Variants in PSD2 observed in about 807,000 individuals in gnomAD.
PSD2 encodes PH and SEC7 domain-containing protein 2.
PSD2 carries 38 observed loss-of-function variants against 69.8 expected under a neutral mutation model. The ratio of observed to expected loss-of-function variants is 0.54; its 90% CI spans 0.42 to 0.71. PSD2 has a LOEUF of 0.71. PSD2 is among the 30% of genes least tolerant of loss of function. The pLI is 0.00. For missense variants in PSD2, 943 were observed against 1,014.5 expected (o/e 0.93, Z 0.96); for synonymous variants, 412 against 423.0 (o/e 0.97, Z 0.32).
chr5:139,795,410 C>T (rs374351633), upstream of PSD2, among the ~76,000 whole-genome samples: 82 of 152,190 alleles, frequency 5.4e-4, 1 homozygote, highest in East Asian at 0.013. This position sits in a 1 kb window ranked among gnomAD's most constrained non-coding sequence, Gnocchi z 4.5. Context: ...CAGGACCCGC[C>T]CCCTCCTTCA....
chr5:139,785,233 CCTTT>C, the PSD2 span, among the ~76,000 whole-genome samples: 1 of 141,238 alleles, frequency 7.1e-6, no homozygotes, highest in East Asian at 2.1e-4. Flanking sequence ...TCCCTTCCTT[CCTTT>C]TTTTTTTTTC....
the PSD2 span, among the ~76,000 whole-genome samples, chr5:139,787,357 G>C: frequency 7.2e-5 from 11 of 152,212 alleles, no homozygotes; most frequent in East Asian, 1.9e-4. Context: ...ACAGACGAAG[G>C]GGGGCCTGGG....
intron 1 of PSD2, among the ~76,000 whole-genome samples, chr5:139,802,065 G>T (rs1365165924): frequency 6.6e-5 from 10 of 152,042 alleles, no homozygotes; most frequent in Non-Finnish European, 1.5e-4. Context: ...GCCACAACCT[G>T]CAGACCCTGA....
At position 139,837,836 on chromosome 5, in the gene PSD2, C is replaced by T; in HGVS notation, c.1823+54C>T. Reference sequence around the variant, plus strand: ...CACCTGGGGCCCAGGGCCACAGTGACCCGGCACACAACCCCTCTCCTTCCC... The same window carrying T: ...CACCTGGGGCCCAGGGCCACAGTGATCCGGCACACAACCCCTCTCCTTCCC... On this transcript the variant is annotated intron_variant, in intron 12 of 14. Transcript: ENST00000274710. The surrounding 1 kb of genome is among the most constrained non-coding windows in gnomAD (Gnocchi z 5.0). The T allele has an allele frequency of 6.5e-7, 1 of 1,541,582 alleles. No homozygotes were observed. The highest frequency in any genetic ancestry group is 1.4e-5 in the African/African-American group (1 of 73,234).
the PSD2 span, among the ~76,000 whole-genome samples, chr5:139,781,977 A>C: frequency 6.6e-6 from 1 of 152,064 alleles, no homozygotes; most frequent in Non-Finnish European, 1.5e-5. Context: ...ACAGCATTTC[A>C]TATCATAATT....
intron 7 of PSD2, among the ~76,000 whole-genome samples, chr5:139,830,610 CTT>C (rs1273080509): frequency 2.8e-5 from 2 of 70,702 alleles, no homozygotes; most frequent in East Asian, 6.9e-4. Flanking sequence ...CTTTCTTTCT[CTT>C]TCTTTCTTTC....
chr5:139,815,242 TC>T (rs1177002005), intron 4 of PSD2, among the ~76,000 whole-genome samples: 1 of 151,882 alleles, frequency 6.6e-6, no homozygotes, highest in East Asian at 1.9e-4. Context: ...CTGCACCAGG[TC>T]CCCAACAACT....
Position 139,836,838 on chromosome 5 carries a change from G to A in PSD2, c.1431G>A (p.Leu477=). 1.9e-6 allele frequency: 3 copies of A among 1,614,184 alleles called. No individual in the cohort carries two copies. In the South Asian group the frequency reaches 3.3e-5, roughly 18 times the overall value. The change falls in exon 10 of 15, where the codon CTG becomes CTA. Residue 477 remains leucine, a synonymous_variant. Transcript: ENST00000274710. ...AIDEDELRKS[L]SELVDDKFGT... Reference sequence around the variant, plus strand: ...ATGAGGATGAGCTGAGGAAATCCCTGTCTGAGCTGGTGGATGACAAGTTCG... The same window carrying A: ...ATGAGGATGAGCTGAGGAAATCCCTATCTGAGCTGGTGGATGACAAGTTCG...
chr5:139,756,424 AG>A, the PSD2 span, among the ~76,000 whole-genome samples: 3 of 152,236 alleles, frequency 2.0e-5, no homozygotes, highest in Non-Finnish European at 4.4e-5. Flanking sequence ...TCAAGCATCT[AG>A]GGTCAGACTG....
chr5:139,816,418 A>C (rs150178631), intron 4 of PSD2, among the ~76,000 whole-genome samples: 2 of 152,360 alleles, frequency 1.3e-5, no homozygotes, highest in East Asian at 3.9e-4. Flanking sequence ...TCTTTTAACC[A>C]ACAACAGTTC....
chr5:139,776,057 G>A, the PSD2 span, among the ~76,000 whole-genome samples: 1 of 152,206 alleles, frequency 6.6e-6, no homozygotes, highest in Admixed American at 6.5e-5. Context: ...CTGAGGAGGG[G>A]TTCAGGGGCC....
At chr5:139,790,614 G>C in the PSD2 span, among the ~76,000 whole-genome samples, 12 of 152,212 alleles carry the variant, frequency 7.9e-5, no homozygotes, top group African/African-American at 2.9e-4. Context: ...AGTATGTCAA[G>C]GAGGAAGCGG....
At chr5:139,744,387 ACTTTCC>A in the PSD2 span, among the ~76,000 whole-genome samples, 1 of 152,052 alleles carries the variant, frequency 6.6e-6, no homozygotes, top group Admixed American at 6.5e-5. Flanking sequence ...CTCTGACTTT[ACTTTCC>A]CTTTCTAGAG....
chr5:139,778,959 A>G, the PSD2 span, among the ~76,000 whole-genome samples: 6 of 151,522 alleles, frequency 4.0e-5, no homozygotes, highest in Non-Finnish European at 5.9e-5. Context: ...AAAAAAAAAA[A>G]AAAGAAAGAA....
At position 139,844,451 on chromosome 5, in the gene PSD2, T is replaced by C. The variant is rs1023308316; in HGVS notation, c.*1977T>C. On this transcript the variant is annotated 3_prime_UTR_variant, in exon 15 of 15. Transcript: ENST00000274710. ...AAAAAAGATGAGATGAAAATAAATC[T>C]AAGTCAAAGTTCTAATAGTTCTTCC... The C allele has an allele frequency of 3.9e-5, 6 of 152,512 alleles. No individual in the cohort carries two copies. The highest frequency in any genetic ancestry group is 1.4e-4 in the African/African-American group (6 of 41,452). The allele number at this position is 152,512 out of a possible 1,614,324, so 9.4% of individuals were successfully genotyped here.
At chr5:139,752,437 C>T in the PSD2 span, among the ~76,000 whole-genome samples, 21 of 152,178 alleles carry the variant, frequency 1.4e-4, no homozygotes, top group African/African-American at 4.6e-4. Context: ...TGGAGAGACA[C>T]AATCACGCAC....
At chr5:139,750,337 A>C in the PSD2 span, among the ~76,000 whole-genome samples, 1 of 152,106 alleles carries the variant, frequency 6.6e-6, no homozygotes, top group Non-Finnish European at 1.5e-5. Context: ...AAACAAAAAA[A>C]CAAAACAAAA....
At chr5:139,815,249 C>T (rs111460184) in intron 4 of PSD2, among the ~76,000 whole-genome samples, 1 of 152,168 alleles carries the variant, frequency 6.6e-6, no homozygotes, top group African/African-American at 2.4e-5. Context: ...AGGTCCCCAA[C>T]AACTGCGCCA....
chr5:139,835,761 G>C lies in PSD2; in HGVS notation c.1398G>C (p.Trp466Cys). The change falls in exon 9 of 15, where the codon TGG (tryptophan) becomes TGC (cysteine). Residue 466 changes from tryptophan (W) to cysteine (C), a missense_variant. By Grantham distance (215) the Trp-to-Cys change is radical. Around this residue, in one of 3 missense-constraint regions of PSD2, gnomAD observed 312 missense variants for 400.7 expected, o/e 0.78. Coordinates refer to ENST00000274710, the MANE Select transcript of PSD2 (RefSeq NM_032289.4). The stretch of plus-strand genomic sequence containing the variant: ...CCATCAAGAATGAAAAGCTGGAATG[G>C]GCCATGTGAGTAGTGACGATGGGCA... ...YNSIKNEKLE[W>C]AIDEDELRKS... 1 of 1,614,010 alleles carries C rather than the reference G, an allele frequency of 6.2e-7. No individual in the cohort carries two copies. The highest frequency in any genetic ancestry group is 8.5e-7 in the Non-Finnish European group (1 of 1,179,946).
Sources: allele counts gnomAD v4.1 joint callset (sites outside exome capture counted in the v4.1 genomes callset), GRCh38; gene constraint gnomAD v4.1.1; regional missense constraint gnomAD v4.1.1; non-coding constraint Gnocchi (gnomAD v3.1); transcripts MANE v1.5; gene names NCBI Gene and HGNC (gene_info 2026-07-23, HGNC 2026-07-21).